Variants in AGAP1 observed in about 807,000 individuals in gnomAD.
AGAP1 encodes the protein arf-GAP with GTPase, ANK repeat and PH domain-containing protein 1.
Under a neutral mutation model 105.3 loss-of-function variants are expected in AGAP1, and 29 were observed. That is an observed-to-expected ratio of 0.28 (90% confidence interval 0.21 to 0.38). AGAP1 has a LOEUF of 0.38. Among genes scored for constraint, AGAP1 ranks in the 10% least tolerant of loss-of-function variants. The pLI is 1.00. For synonymous variants in AGAP1, 509 were observed against 485.9 expected, an observed-to-expected ratio of 1.05 and a Z score of -0.63; for missense variants, 998 against 1,165.1, an observed-to-expected ratio of 0.86 and a Z score of 2.09.
chr2:235,511,788 G>T (rs1942122930), intron 1 of AGAP1, among the ~76,000 whole-genome samples: 1 of 152,138 alleles, frequency 6.6e-6, no homozygotes, highest in South Asian at 2.1e-4. Context: ...GAACATGCTT[G>T]TGAGATTCAG....
chr2:236,021,194 A>G (rs972844486), intron 13 of AGAP1, among the ~76,000 whole-genome samples: 14 of 151,730 alleles, frequency 9.2e-5, no homozygotes, highest in African/African-American at 3.4e-4. Flanking sequence ...ACTAATACAG[A>G]TAACTTCAGA....
intron 13 of AGAP1, among the ~76,000 whole-genome samples, chr2:236,030,565 G>A (rs925582022): frequency 1.3e-5 from 2 of 152,190 alleles, no homozygotes; most frequent in Admixed American, 6.5e-5. Context: ...AAAGGTGTTT[G>A]CCCCTCAGGG....
chr2:236,103,785 T>C (rs954572594), intron 16 of AGAP1, among the ~76,000 whole-genome samples: 46 of 152,176 alleles, frequency 3.0e-4, no homozygotes, highest in African/African-American at 8.9e-4. Context: ...GTCAGGCTGG[T>C]CTCGAACTCC....
rs1956867433 is a variant in AGAP1 at position 235,789,793 on chromosome 2, G to A, written c.674-7966G>A. 1.3e-5 allele frequency among the ~76,000 whole-genome samples: 2 copies of A among 152,104 alleles called. No homozygotes were observed. The highest frequency in any genetic ancestry group is 4.1e-4 in the South Asian group (2 of 4,824). On this transcript the variant is annotated intron_variant, in intron 6 of 17. Transcript: ENST00000304032. This position sits in a 1 kb window ranked among gnomAD's most constrained non-coding sequence, Gnocchi z 4.2. ...CATGGCATGTCCTAATGACTTACTC[G>A]AGCAGTTGAATCTTGGCCACAGCTT...
At chr2:235,673,294 T>G (rs1360811352) in intron 1 of AGAP1, among the ~76,000 whole-genome samples, 1 of 152,230 alleles carries the variant, frequency 6.6e-6, no homozygotes, top group Non-Finnish European at 1.5e-5. Flanking sequence ...TAGGTGCTGT[T>G]TAAGATTTTG....
Position 236,101,329 on chromosome 2 carries a change from C to T in AGAP1, c.2115-18863C>T, listed in dbSNP as rs528648878. On this transcript the variant is annotated intron_variant, in intron 16 of 17. Coordinates refer to ENST00000304032, the MANE Select transcript of AGAP1 (RefSeq NM_001037131.3). The surrounding 1 kb of genome is among the most constrained non-coding windows in gnomAD (Gnocchi z 4.9). Reference sequence around the variant, plus strand: ...TTTAAACAATAATATTACCACAGGCCGCAGTTCTTAAAGCCACTTGGCAGT... The same window carrying T: ...TTTAAACAATAATATTACCACAGGCTGCAGTTCTTAAAGCCACTTGGCAGT... Among the ~76,000 whole-genome samples, 14 of 152,134 alleles carry T rather than the reference C, an allele frequency of 9.2e-5. No individual in the cohort carries two copies. Among genetic ancestry groups the T allele is most frequent in the Non-Finnish European group, 1.9e-4 (13 of 68,022 alleles).
At position 235,968,638 on chromosome 2, in the gene AGAP1, G is replaced by A. The variant is rs1052836824; in HGVS notation, c.1645+15G>A. ...CACTGCTGAAGGTAAGGGTTCCGCG[G>A]TGCCCCGGGAGAGAGTCTCCACTGC... On this transcript the variant is annotated intron_variant, in intron 13 of 17. Coordinates refer to ENST00000304032, the MANE Select transcript of AGAP1 (RefSeq NM_001037131.3). 2 of 1,596,542 alleles carry A rather than the reference G, an allele frequency of 1.3e-6. No individual in the cohort carries two copies. The highest frequency in any genetic ancestry group is 1.7e-6 in the Non-Finnish European group (2 of 1,175,174).
chr2:235,731,439 T>C (rs1460199814), intron 3 of AGAP1, among the ~76,000 whole-genome samples: 2 of 152,198 alleles, frequency 1.3e-5, no homozygotes, highest in Admixed American at 6.5e-5. Context: ...TGCTATTTTA[T>C]AGGCTATTTT....
rs1454725184 is a variant in AGAP1 at position 235,604,708 on chromosome 2, G to A, written c.164-104471G>A. On this transcript the variant is annotated intron_variant, in intron 1 of 17. Transcript: ENST00000304032. ...CGCCATTCTCCTGCCTCAGCCTCCT[G>A]AGTAGCTGGGACTACAGGCGCCCGC... Among the ~76,000 whole-genome samples, 10 of 144,776 alleles carry A rather than the reference G, an allele frequency of 6.9e-5. No homozygotes were observed. In the Admixed American group the frequency reaches 7.1e-4, roughly 10 times the overall value. The allele number at this position is 144,776 out of a possible 152,430, so 95.0% of individuals were successfully genotyped here.
chr2:235,904,973 ATT>A lies in AGAP1; in HGVS notation c.1156-3754_1156-3753del, dbSNP rs879852305. Among the ~76,000 whole-genome samples the A allele has an allele frequency of 6.8e-6, 1 of 147,258 alleles. No homozygotes were observed. The highest frequency in any genetic ancestry group is 1.5e-5 in the Non-Finnish European group (1 of 66,556). ...GCTATTTTAAATACCGATTTTATTT[ATT>A]TTTTTTTTTTAGAGCTAGTTCTTCT... is the stretch of plus-strand genomic sequence containing the variant. On this transcript the variant is annotated intron_variant, in intron 10 of 17. Transcript: ENST00000304032. The surrounding 1 kb of genome is among the most constrained non-coding windows in gnomAD (Gnocchi z 4.2).
At chr2:235,661,834 T>G (rs1947967002) in intron 1 of AGAP1, among the ~76,000 whole-genome samples, 1 of 151,974 alleles carries the variant, frequency 6.6e-6, no homozygotes, top group African/African-American at 2.4e-5. Context: ...AGTGATACAG[T>G]GATGTCCCTT....
chr2:235,699,954 G>A (rs1215020728), intron 1 of AGAP1, among the ~76,000 whole-genome samples: 1 of 152,150 alleles, frequency 6.6e-6, no homozygotes, highest in Non-Finnish European at 1.5e-5. Flanking sequence ...TGGGGGAACG[G>A]CCTGTTTCTG....
chr2:236,060,871 G>C (rs2058174186), intron 16 of AGAP1, among the ~76,000 whole-genome samples: 1 of 152,122 alleles, frequency 6.6e-6, no homozygotes, highest in Admixed American at 6.6e-5. Flanking sequence ...AGACCTGCCT[G>C]ATCAACATAG....
In AGAP1 at chr2:235,744,590, C is replaced by T. The variant is rs189737327; in HGVS notation, c.397-108C>T. ...AAAAGTCAAGCACCCAGTGTGTGACCGAGGGGATTCCTGCAGCCCCCTGCT... is the reference window on the plus strand; with the variant it reads ...AAAAGTCAAGCACCCAGTGTGTGACTGAGGGGATTCCTGCAGCCCCCTGCT... On this transcript the variant is annotated intron_variant, in intron 4 of 17. Transcript: ENST00000304032. This position sits in a 1 kb window ranked among gnomAD's most constrained non-coding sequence, Gnocchi z 5.2. The T allele has an allele frequency of 1.2e-5, 16 of 1,379,154 alleles. No homozygotes were observed. The highest frequency in any genetic ancestry group is 9.0e-5 in the South Asian group (7 of 77,940). The allele number at this position is 1,379,154 out of a possible 1,614,324, so 85.4% of individuals were successfully genotyped here. A position where few individuals can be genotyped will look rare whatever the true frequency, so the allele number is the denominator to read the frequency against.
At chr2:235,808,072 G>A (rs1399503648) in intron 9 of AGAP1, among the ~76,000 whole-genome samples, 3 of 151,798 alleles carry the variant, frequency 2.0e-5, no homozygotes, top group Non-Finnish European at 2.9e-5. Context: ...GAGTCCACGT[G>A]TGACGTAGAT....
Position 235,724,210 on chromosome 2 carries a change from C to T in AGAP1, c.310+6566C>T, listed in dbSNP as rs2149578362. Among the ~76,000 whole-genome samples the T allele has an allele frequency of 6.6e-6, 1 of 152,308 alleles. No individual in the cohort carries two copies. The highest frequency in any genetic ancestry group is 1.9e-4 in the East Asian group (1 of 5,180). On this transcript the variant is annotated intron_variant, in intron 3 of 17. Coordinates refer to ENST00000304032, the MANE Select transcript of AGAP1 (RefSeq NM_001037131.3). The surrounding 1 kb of genome is among the most constrained non-coding windows in gnomAD (Gnocchi z 4.9). ...AAAGCTAGCTCCAAGGCTGAGGCAG[C>T]CCTGAATGTGCCTAGGCCAACAGCC...
intron 13 of AGAP1, among the ~76,000 whole-genome samples, chr2:236,019,602 G>A (rs1022062997): frequency 2.0e-5 from 3 of 152,224 alleles, no homozygotes; most frequent in Non-Finnish European, 4.4e-5. Context: ...AGGAAGACGG[G>A]GCTGGAATTC....
At chr2:235,770,153 A>T (rs1955318757) in intron 6 of AGAP1, among the ~76,000 whole-genome samples, 2 of 92,782 alleles carry the variant, frequency 2.2e-5, no homozygotes, top group Non-Finnish European at 5.3e-5. Flanking sequence ...TTTGAGACGG[A>T]GTCTCACTGT....
intron 1 of AGAP1, among the ~76,000 whole-genome samples, chr2:235,704,982 T>C (rs1575177335): frequency 1.5e-5 from 2 of 133,398 alleles, no homozygotes; most frequent in African/African-American, 2.9e-5. Context: ...TTTTTTTTTT[T>C]TTTTTTTTTT....
Sources: gnomAD v4.1 joint callset for allele counts (sites outside exome capture counted in the v4.1 genomes callset) on GRCh38, gnomAD v4.1.1 for gene constraint, Gnocchi (gnomAD v3.1) non-coding constraint, MANE v1.5 for transcripts, NCBI Gene and HGNC (gene_info 2026-07-23, HGNC 2026-07-21) for gene names.